TNIK: variants seen among roughly 807,000 people sequenced by gnomAD.
TNIK encodes the protein TRAF2 and NCK interacting kinase.
TNIK carries 49 observed loss-of-function variants against 191.3 expected under a neutral mutation model. The ratio of observed to expected loss-of-function variants is 0.26; its 90% CI spans 0.20 to 0.32. TNIK has a LOEUF of 0.32. Ranked by LOEUF, TNIK falls within the 10% of genes least tolerant of loss-of-function variation. The pLI, the probability that TNIK is intolerant of heterozygous loss-of-function variation, is 1.00. For synonymous variants in TNIK, 594 were observed against 600.9 expected (o/e 0.99, Z 0.17); for missense variants, 1,155 against 1,702.3 (o/e 0.68, Z 5.66).
chr3:171,370,381 C>G (rs902555885), intron 1 of TNIK, among the ~76,000 whole-genome samples: 3 of 152,170 alleles, frequency 2.0e-5, no homozygotes, highest in Admixed American at 6.5e-5. Context: ...CCACTAACCC[C>G]AGGAGTCAGC....
intron 1 of TNIK, among the ~76,000 whole-genome samples, chr3:171,403,562 C>T (rs550590437): frequency 2.1e-5 from 3 of 140,178 alleles, no homozygotes; most frequent in East Asian, 4.3e-4. Flanking sequence ...TGCAGTGAGC[C>T]GGGATCGTGC....
At chr3:171,170,831 G>A (rs9845914) in intron 9 of TNIK, among the ~76,000 whole-genome samples, 23,581 of 152,112 alleles carry the variant, frequency 0.16, 2,937 homozygotes, top group African/African-American at 0.34. Context: ...TGGATGGATT[G>A]CTTGAGGCCA....
At chr3:171,332,077 T>C (rs1005742319) in intron 2 of TNIK, among the ~76,000 whole-genome samples, 1 of 152,216 alleles carries the variant, frequency 6.6e-6, no homozygotes, top group Non-Finnish European at 1.5e-5. Context: ...CTGTAGACTA[T>C]TTGGAAAAGT....
At position 171,406,513 on chromosome 3, in the gene TNIK, G is replaced by A. The variant is rs80230365; in HGVS notation, c.58-36828C>T. Among the ~76,000 whole-genome samples the A allele has an allele frequency of 3.6e-3, 548 of 152,126 alleles. 2 individuals are homozygous for A. The highest frequency in any genetic ancestry group is 0.012 in the African/African-American group (518 of 41,504). On this transcript the variant is annotated intron_variant, in intron 1 of 32. Coordinates refer to ENST00000436636, the MANE Select transcript of TNIK (RefSeq NM_015028.4). ...GGCACAATTATAGCTTACTGTAACC[G>A]TGAGCTCCCAGGCTCAAGCCATCCT...
chr3:171,258,076 ATG>A (rs1377593092), intron 2 of TNIK, among the ~76,000 whole-genome samples: 7 of 152,142 alleles, frequency 4.6e-5, no homozygotes, highest in African/African-American at 1.4e-4. Context: ...GTGATGATGG[ATG>A]CCCTGCGATC....
intron 27 of TNIK, among the ~76,000 whole-genome samples, chr3:171,080,023 A>G (rs1055647913): frequency 2.0e-5 from 3 of 152,230 alleles, no homozygotes; most frequent in African/African-American, 7.2e-5. Context: ...CACATGAAGA[A>G]GTGTTGGCAA....
At chr3:171,453,743 A>T (rs1268662442) in intron 1 of TNIK, among the ~76,000 whole-genome samples, 1 of 152,138 alleles carries the variant, frequency 6.6e-6, no homozygotes, top group African/African-American at 2.4e-5. Flanking sequence ...ACTTGCAGGG[A>T]ACAGTGGAGA....
Position 171,228,175 on chromosome 3 carries a change from T to G in TNIK, c.170A>C (p.Asp57Ala). 1 of 1,613,654 alleles carries G rather than the reference T, an allele frequency of 6.2e-7. No individual in the cohort carries two copies. The highest frequency in any genetic ancestry group is 1.1e-5 in the South Asian group (1 of 91,070). ...AATAAAGACACTTACCCCTGTGACA[T>G]CCATAACCTTGATGGCTGCAAGCTG... ...TGQLAAIKVM[D>A]VTGDEEEEIK... Residue 57 changes from aspartate to alanine, a missense_variant, in exon 3 of 33, where the codon GAT becomes GCT. This residue lies in a region of TNIK where 225 missense variants were observed against 438.9 expected (regional missense o/e 0.51). Coordinates refer to ENST00000436636, the MANE Select transcript of TNIK (RefSeq NM_015028.4).
intron 2 of TNIK, among the ~76,000 whole-genome samples, chr3:171,268,758 A>G (rs1490476965): frequency 2.0e-5 from 3 of 152,140 alleles, no homozygotes; most frequent in Non-Finnish European, 4.4e-5. Flanking sequence ...AAGGGAAGGC[A>G]TTGGACAGGC....
chr3:171,150,774 A>G (rs982092251), intron 12 of TNIK, among the ~76,000 whole-genome samples: 1 of 152,174 alleles, frequency 6.6e-6, no homozygotes, highest in African/African-American at 2.4e-5. Context: ...ACTGCAGGCT[A>G]ACTCACCAGC....
chr3:171,219,940 C>T (rs142951695), intron 3 of TNIK, among the ~76,000 whole-genome samples: 34 of 152,244 alleles, frequency 2.2e-4, no homozygotes, highest in African/African-American at 7.9e-4. Flanking sequence ...GACACATGCA[C>T]ATGTATGTTT....
chr3:171,384,319 T>C (rs2108527972), intron 1 of TNIK, among the ~76,000 whole-genome samples: 1 of 152,348 alleles, frequency 6.6e-6, no homozygotes, highest in Non-Finnish European at 1.5e-5. Context: ...GTGTTATCTT[T>C]GAAAAATCAC....
intron 3 of TNIK, among the ~76,000 whole-genome samples, chr3:171,221,767 A>C (rs1742370104): frequency 6.6e-6 from 1 of 151,886 alleles, no homozygotes; most frequent in East Asian, 1.9e-4. Context: ...TCAGCTACAT[A>C]CTATTCAGGG....
At position 171,173,111 on chromosome 3, in the gene TNIK, G is replaced by A. The variant is rs913481055; in HGVS notation, c.773+2141C>T. Among the ~76,000 whole-genome samples the A allele has an allele frequency of 4.0e-5, 6 of 151,766 alleles. No homozygotes were observed. The South Asian group carries it at 1.0e-3, about 26-fold the overall frequency. ...ATGAAAACAGGAGATGTGGCCAGGCGCGGTGGCTCACGCCTGTAATCCCAG... is the reference window on the plus strand; with the variant it reads ...ATGAAAACAGGAGATGTGGCCAGGCACGGTGGCTCACGCCTGTAATCCCAG... On this transcript the variant is annotated intron_variant, in intron 9 of 32. Transcript: ENST00000436636.
intron 2 of TNIK, among the ~76,000 whole-genome samples, chr3:171,237,141 A>G (rs1577209184): frequency 1.3e-5 from 2 of 152,276 alleles, no homozygotes; most frequent in Admixed American, 6.5e-5. Flanking sequence ...AAAGGACCAC[A>G]GTGTTCCCAG....
chr3:171,308,485 C>G (rs1017347237), intron 2 of TNIK, among the ~76,000 whole-genome samples: 4 of 152,126 alleles, frequency 2.6e-5, no homozygotes, highest in Non-Finnish European at 5.9e-5. Context: ...AAATACCATT[C>G]TAGACATAGG....
chr3:171,198,387 T>A (rs1577096113), intron 4 of TNIK, among the ~76,000 whole-genome samples: 1 of 151,936 alleles, frequency 6.6e-6, no homozygotes, highest in Non-Finnish European at 1.5e-5. Context: ...GGACTGGGTG[T>A]AGGGGGTAAC....
chr3:171,201,296 G>C (rs1161196784), intron 4 of TNIK, among the ~76,000 whole-genome samples: 1 of 152,196 alleles, frequency 6.6e-6, no homozygotes, highest in Non-Finnish European at 1.5e-5. Context: ...CTACTCGGGA[G>C]GCTGAGGCAG....
intron 4 of TNIK, among the ~76,000 whole-genome samples, chr3:171,197,646 T>C (rs1738874523): frequency 6.6e-6 from 1 of 152,168 alleles, no homozygotes; most frequent in South Asian, 2.1e-4. Context: ...AACAATGACA[T>C]GTAGAAAGGC....
Sources: gnomAD v4.1 joint callset for allele counts (sites outside exome capture counted in the v4.1 genomes callset) on GRCh38, gnomAD v4.1.1 for gene constraint, gnomAD v4.1.1 regional missense constraint, MANE v1.5 for transcripts, NCBI Gene and HGNC (gene_info 2026-07-23, HGNC 2026-07-21) for gene names.